CNTN4: variants seen among roughly 807,000 people sequenced by gnomAD.
The protein encoded by CNTN4 is contactin 4.
In CNTN4, 77 loss-of-function variants were observed where a neutral mutation model predicts 122.5. That is an observed-to-expected ratio of 0.63 (90% CI 0.52 to 0.76). The LOEUF is 0.76. Ranked by LOEUF, CNTN4 falls within the 30% of genes least tolerant of loss-of-function variation. CNTN4 has a pLI of 0.00. For synonymous variants in CNTN4, 512 were observed against 447.0 expected (o/e 1.15, Z -1.83); for missense variants, 1,256 against 1,259.1 (o/e 1.00, Z 0.04).
At chr3:2,142,051 T>A (rs945742473) in intron 2 of CNTN4, among the ~76,000 whole-genome samples, 1 of 152,192 alleles carries the variant, frequency 6.6e-6, no homozygotes, top group Non-Finnish European at 1.5e-5. Flanking sequence ...TTTTGACACG[T>A]TAATGATTTC....
At chr3:2,551,621 G>A (rs1243235853) in intron 3 of CNTN4, among the ~76,000 whole-genome samples, 3 of 152,074 alleles carry the variant, frequency 2.0e-5, no homozygotes, top group African/African-American at 7.2e-5. Flanking sequence ...AATAATAATA[G>A]CAGAGGGAAT....
chr3:2,628,806 G>A (rs2082305549), intron 4 of CNTN4, among the ~76,000 whole-genome samples: 1 of 152,166 alleles, frequency 6.6e-6, no homozygotes, highest in Non-Finnish European at 1.5e-5. Context: ...CAAAAAAGTG[G>A]TTTTTAATCA....
chr3:2,133,510 T>C (rs975171095), intron 2 of CNTN4, among the ~76,000 whole-genome samples: 1 of 152,156 alleles, frequency 6.6e-6, no homozygotes, highest in African/African-American at 2.4e-5. Context: ...CTCAAAAGAG[T>C]ATAGTTCAAA....
intron 3 of CNTN4, among the ~76,000 whole-genome samples, chr3:2,489,707 A>G (rs1294630959): frequency 3.9e-5 from 6 of 152,190 alleles, no homozygotes; most frequent in South Asian, 2.1e-4. Flanking sequence ...AAATGTTTCT[A>G]TAGGGTGTGA....
chr3:2,795,799 C>T (rs538036446), intron 6 of CNTN4, among the ~76,000 whole-genome samples: 33 of 152,130 alleles, frequency 2.2e-4, no homozygotes, highest in African/African-American at 6.5e-4. Flanking sequence ...GGATTACAGA[C>T]GTGAGCCACC....
In CNTN4 at chr3:2,501,764, T is replaced by C. The variant is rs536638595; in HGVS notation, c.-88-69652T>C. ...CAGTTAAATCAATCTTTAAAGTCCCTTTCACTGTGTAAAGTACAGGCGGAG... is the reference window on the plus strand; with the variant it reads ...CAGTTAAATCAATCTTTAAAGTCCCCTTCACTGTGTAAAGTACAGGCGGAG... On this transcript the variant is annotated intron_variant, in intron 3 of 24. Coordinates refer to ENST00000418658, the MANE Select transcript of CNTN4 (RefSeq NM_175607.3). Among the ~76,000 whole-genome samples the C allele has an allele frequency of 1.5e-4, 23 of 152,260 alleles. No homozygotes were observed. The South Asian group carries it at 4.6e-3, about 30-fold the overall frequency.
chr3:2,374,042 C>T lies in CNTN4; in HGVS notation c.-89+34809C>T, dbSNP rs560002274. 4.2e-4 allele frequency among the ~76,000 whole-genome samples: 64 copies of T among 150,782 alleles called. 1 individual carries two copies. In the South Asian group the frequency reaches 0.011, roughly 25 times the overall value. On this transcript the variant is annotated intron_variant, in intron 3 of 24. Transcript: ENST00000418658. ...TAGGATTAGGAGAACTTTTGTTCTC[C>T]GGGATACATGGCAGGAATATTTAGC...
At chr3:2,565,528 C>T (rs747755545) in intron 3 of CNTN4, among the ~76,000 whole-genome samples, 1 of 152,124 alleles carries the variant, frequency 6.6e-6, no homozygotes, top group Non-Finnish European at 1.5e-5. Context: ...TACAGATGAC[C>T]TGAACTACTC....
chr3:2,532,976 C>A (rs1195759918), intron 3 of CNTN4, among the ~76,000 whole-genome samples: 1 of 152,032 alleles, frequency 6.6e-6, no homozygotes, highest in East Asian at 1.9e-4. Flanking sequence ...AAATGAGAAC[C>A]ATCCTTGATC....
At chr3:2,681,552 A>G (rs747892950) in intron 4 of CNTN4, among the ~76,000 whole-genome samples, 3 of 152,086 alleles carry the variant, frequency 2.0e-5, no homozygotes, top group Non-Finnish European at 4.4e-5. Flanking sequence ...TATCTTTCCA[A>G]TGGACCCCAA....
intron 2 of CNTN4, among the ~76,000 whole-genome samples, chr3:2,125,894 GGTGTGTGTGTGTGTGTGTGT>G (rs61706367): frequency 2.2e-4 from 32 of 143,472 alleles, no homozygotes; most frequent in African/African-American, 8.3e-4. Flanking sequence ...TTTTATTTCT[GGTGTGTGTGTGTGTGTGTGT>G]GTGTGTGTGT....
intron 2 of CNTN4, among the ~76,000 whole-genome samples, chr3:2,287,124 T>A (rs553814390): frequency 3.3e-4 from 51 of 152,272 alleles, no homozygotes; most frequent in Non-Finnish European, 5.1e-4. Flanking sequence ...ATTTTATCAT[T>A]TGATGGTAGT....
intron 6 of CNTN4, among the ~76,000 whole-genome samples, chr3:2,746,732 T>C (rs988282868): frequency 1.4e-4 from 22 of 152,220 alleles, no homozygotes; most frequent in African/African-American, 5.3e-4. Flanking sequence ...TTGGTGGCAT[T>C]TTTATAAGTT....
intron 3 of CNTN4, among the ~76,000 whole-genome samples, chr3:2,456,764 C>T (rs183084220): frequency 4.9e-4 from 74 of 152,176 alleles, no homozygotes; most frequent in Non-Finnish European, 2.9e-4. Flanking sequence ...TTTATCCATT[C>T]GTCTATCTAT....
At chr3:2,750,510 A>G (rs1412378245) in intron 6 of CNTN4, among the ~76,000 whole-genome samples, 1 of 152,240 alleles carries the variant, frequency 6.6e-6, no homozygotes, top group East Asian at 1.9e-4. Context: ...TAAAGTCAAT[A>G]TATTTAAAAT....
chr3:2,176,626 A>G (rs763140404), intron 2 of CNTN4, among the ~76,000 whole-genome samples: 3 of 152,182 alleles, frequency 2.0e-5, no homozygotes, highest in Non-Finnish European at 2.9e-5. Context: ...TAATTAGTAT[A>G]ACACTGCTTT....
chr3:2,654,091 C>G (rs191067562), intron 4 of CNTN4, among the ~76,000 whole-genome samples: 1 of 152,208 alleles, frequency 6.6e-6, no homozygotes, highest in African/African-American at 2.4e-5. Flanking sequence ...CAATTCCATG[C>G]TTTGCTTTTT....
intron 7 of CNTN4, among the ~76,000 whole-genome samples, chr3:2,861,428 T>A (rs1015764129): frequency 2.6e-5 from 4 of 152,252 alleles, no homozygotes; most frequent in Non-Finnish European, 5.9e-5. Flanking sequence ...ACATTCATTT[T>A]ACCCATTTCA....
intron 14 of CNTN4, among the ~76,000 whole-genome samples, chr3:2,995,876 G>A (rs1053717558): frequency 6.6e-6 from 1 of 152,138 alleles, no homozygotes; most frequent in Non-Finnish European, 1.5e-5. Context: ...CATTTTCTGG[G>A]CATTTAACCT....
Sources: gnomAD v4.1 joint callset for allele counts (sites outside exome capture counted in the v4.1 genomes callset) on GRCh38, gnomAD v4.1.1 for gene constraint, MANE v1.5 for transcripts, NCBI Gene and HGNC (gene_info 2026-07-23, HGNC 2026-07-21) for gene names.